MECOM: variants seen among roughly 807,000 people sequenced by gnomAD.
The protein encoded by MECOM is histone-lysine N-methyltransferase MECOM.
In MECOM, 13 loss-of-function variants were observed where a neutral mutation model predicts 116.3. The ratio of observed to expected loss-of-function variants is 0.11; its 90% CI spans 0.07 to 0.18. The LOEUF is 0.18. Ranked by LOEUF, MECOM falls within the 10% of genes least tolerant of loss-of-function variation. The pLI is 1.00. For synonymous variants in MECOM, 528 were observed against 535.2 expected (o/e 0.99, Z 0.19); for missense variants, 1,299 against 1,509.0 (o/e 0.86, Z 2.31).
intron 2 of MECOM, among the ~76,000 whole-genome samples, chr3:169,289,931 G>T (rs1714169378): frequency 6.6e-6 from 1 of 152,158 alleles, no homozygotes; most frequent in South Asian, 2.1e-4. Flanking sequence ...AGCTTGGTGA[G>T]CCCACCTCTG....
chr3:169,088,092 C>A (rs1239969601), intron 16 of MECOM, among the ~76,000 whole-genome samples: 1 of 152,154 alleles, frequency 6.6e-6, no homozygotes, highest in Non-Finnish European at 1.5e-5. Context: ...ACATCTTACC[C>A]AAATAGAAAA....
intron 1 of MECOM, among the ~76,000 whole-genome samples, chr3:169,423,598 G>A (rs1457734659): frequency 1.3e-5 from 2 of 152,014 alleles, no homozygotes; most frequent in Non-Finnish European, 2.9e-5. Flanking sequence ...TCACTGGATG[G>A]GAATCCTTGG....
chr3:169,513,612 G>A (rs1478782650), intron 1 of MECOM, among the ~76,000 whole-genome samples: 1 of 152,220 alleles, frequency 6.6e-6, no homozygotes, highest in African/African-American at 2.4e-5. Flanking sequence ...AGAGGTAGAG[G>A]AGGAGGGAGA....
intron 1 of MECOM, among the ~76,000 whole-genome samples, chr3:169,658,044 C>G (rs1355486057): frequency 1.3e-5 from 2 of 152,134 alleles, no homozygotes; most frequent in Non-Finnish European, 2.9e-5. Context: ...ACTATACAGC[C>G]AATTTCCTTG....
In MECOM at chr3:169,499,027, T is replaced by A. The variant is rs538224012; in HGVS notation, c.38-117503A>T. Among the ~76,000 whole-genome samples, 9 of 151,928 alleles carry A rather than the reference T, an allele frequency of 5.9e-5. No individual in the cohort carries two copies. The South Asian group carries it at 1.2e-3, about 21-fold the overall frequency. On this transcript the variant is annotated intron_variant, in intron 1 of 16. Transcript: ENST00000651503. ...TAATTTTACGAAGAAACAATAAATC[T>A]CACAGAATGTAAAGAGATAAAGATA...
intron 1 of MECOM, chr3:169,464,261 G>A (rs1224809549): frequency 6.6e-6 from 1 of 152,110 alleles, no homozygotes; most frequent in Non-Finnish European, 1.5e-5. Flanking sequence ...TGTTTTGAAA[G>A]CATTTCAAAA....
chr3:169,108,336 A>C (rs150741685), intron 9 of MECOM, among the ~76,000 whole-genome samples: 90 of 152,308 alleles, frequency 5.9e-4, no homozygotes, highest in African/African-American at 2.1e-3. Context: ...CATTTGTATA[A>C]TGTTAATAAC....
chr3:169,651,922 C>CA (rs1195561477), intron 1 of MECOM, among the ~76,000 whole-genome samples: 1 of 151,694 alleles, frequency 6.6e-6, no homozygotes, highest in Non-Finnish European at 1.5e-5. Context: ...CAATTTATGA[C>CA]AAAAAAGAAA....
intron 2 of MECOM, among the ~76,000 whole-genome samples, chr3:169,253,845 C>T (rs761405377): frequency 1.3e-5 from 2 of 151,956 alleles, no homozygotes; most frequent in African/African-American, 2.4e-5. Flanking sequence ...TCTTTGTACC[C>T]CAACTACATT....
intron 1 of MECOM, among the ~76,000 whole-genome samples, chr3:169,635,151 A>G (rs1772577906): frequency 6.6e-6 from 1 of 152,152 alleles, no homozygotes; most frequent in Non-Finnish European, 1.5e-5. Context: ...CTCTACCTTT[A>G]TGAATGGTGT....
rs755819303 is a variant in MECOM at position 169,115,629 on chromosome 3, C to T, written c.2243G>A (p.Arg748Gln). 18 of 1,613,960 alleles carry T rather than the reference C, an allele frequency of 1.1e-5. No individual in the cohort carries two copies. The highest frequency in any genetic ancestry group is 3.3e-5 in the South Asian group (3 of 91,080). Reference sequence around the variant, plus strand: ...TGGAGTCAAGGGCTTCTCATCCTTTCGCTTAGTGGTGAGATCAAAGGGGGA... The same window carrying T: ...TGGAGTCAAGGGCTTCTCATCCTTTTGCTTAGTGGTGAGATCAAAGGGGGA... ...SESPFDLTTK[R>Q]KDEKPLTPVP... The change falls in exon 8 of 17, where the codon CGA (arginine) becomes CAA (glutamine). Residue 748 changes from arginine to glutamine, a missense_variant. Coordinates refer to ENST00000651503, the MANE Select transcript of MECOM (RefSeq NM_004991.4).
intron 1 of MECOM, among the ~76,000 whole-genome samples, chr3:169,660,221 T>A (rs945959529): frequency 6.6e-6 from 1 of 152,034 alleles, no homozygotes; most frequent in Non-Finnish European, 1.5e-5. Flanking sequence ...GCTGCCAGAG[T>A]CGGTTTGGCT....
chr3:169,382,122 A>C (rs1389562318), intron 1 of MECOM, among the ~76,000 whole-genome samples: 2 of 152,158 alleles, frequency 1.3e-5, no homozygotes, highest in Non-Finnish European at 2.9e-5. Context: ...TAACTTATGC[A>C]GAGAAGAAAG....
intron 2 of MECOM, among the ~76,000 whole-genome samples, chr3:169,313,500 G>A (rs553725239): frequency 1.3e-5 from 2 of 152,284 alleles, no homozygotes; most frequent in Admixed American, 1.3e-4. Flanking sequence ...GGAGGTGAGA[G>A]AGAATGGGAT....
intron 1 of MECOM, among the ~76,000 whole-genome samples, chr3:169,526,671 A>AT (rs1330478587): frequency 1.6e-4 from 24 of 150,830 alleles, no homozygotes; most frequent in East Asian, 3.9e-4. Context: ...TCTGTACCCT[A>AT]TTTTTTTTTA....
intron 1 of MECOM, among the ~76,000 whole-genome samples, chr3:169,411,253 C>G (rs925640127): frequency 6.6e-6 from 1 of 152,032 alleles, no homozygotes; most frequent in Non-Finnish European, 1.5e-5. Flanking sequence ...TGGCAAAACT[C>G]TTTGCTTTCT....
At chr3:169,337,398 C>A (rs1048178865) in intron 2 of MECOM, among the ~76,000 whole-genome samples, 1 of 152,116 alleles carries the variant, frequency 6.6e-6, no homozygotes, top group Non-Finnish European at 1.5e-5. Context: ...GAAGAGATTT[C>A]AATTTATTGA....
At chr3:169,487,332 G>T (rs535882735) in intron 1 of MECOM, among the ~76,000 whole-genome samples, 1 of 151,842 alleles carries the variant, frequency 6.6e-6, no homozygotes, top group East Asian at 1.9e-4. Flanking sequence ...GAAGTTGTAA[G>T]TACAAGGTGA....
chr3:169,483,196 ATT>A (rs757660718), intron 1 of MECOM, among the ~76,000 whole-genome samples: 139 of 104,770 alleles, frequency 1.3e-3, no homozygotes, highest in African/African-American at 3.5e-3. Context: ...TTTTATTTTT[ATT>A]TTTATTTTTT....
Sources: gnomAD v4.1 joint callset for allele counts (sites outside exome capture counted in the v4.1 genomes callset) on GRCh38, gnomAD v4.1.1 for gene constraint, MANE v1.5 for transcripts, NCBI Gene and HGNC (gene_info 2026-07-23, HGNC 2026-07-21) for gene names.